The following MAML3 variants were observed in gnomAD, a reference collection of about 807,000 sequenced individuals.
MAML3 encodes mastermind-like protein 3.
In MAML3, 27 loss-of-function variants were observed where a neutral mutation model predicts 101.9. The observed-to-expected ratio is 0.27, with a 90% CI of 0.20 to 0.37. The LOEUF (loss-of-function observed/expected upper bound fraction) is 0.37, where lower values mean the gene tolerates loss of function less well. Among genes scored for constraint, MAML3 ranks in the 10% least tolerant of loss-of-function variants. The pLI is 1.00. For synonymous variants in MAML3, 501 were observed against 555.9 expected (o/e 0.90, Z 1.39); for missense variants, 1,316 against 1,444.9 (o/e 0.91, Z 1.45).
At chr4:139,826,049 G>A (rs1015479199) in intron 2 of MAML3, among the ~76,000 whole-genome samples, 2 of 152,214 alleles carry the variant, frequency 1.3e-5, no homozygotes, top group African/African-American at 2.4e-5. Flanking sequence ...GGTATCTGTC[G>A]TGGATCTTCT....
chr4:139,885,607 A>G (rs1452931977), intron 2 of MAML3, among the ~76,000 whole-genome samples: 1 of 151,566 alleles, frequency 6.6e-6, no homozygotes, highest in Non-Finnish European at 1.5e-5. Flanking sequence ...TGATGAATAG[A>G]AGTTCCAGAA....
chr4:139,935,346 G>C (rs752268738), intron 1 of MAML3, among the ~76,000 whole-genome samples: 1 of 151,968 alleles, frequency 6.6e-6, no homozygotes, highest in Admixed American at 6.6e-5. Context: ...AGCAGAGAAG[G>C]TTTTATATAT....
chr4:140,056,756 G>A (rs1727355747), intron 1 of MAML3, among the ~76,000 whole-genome samples: 1 of 150,550 alleles, frequency 6.6e-6, no homozygotes, highest in Non-Finnish European at 1.5e-5. Context: ...GTCGCAATAA[G>A]CCGAGATGTG....
intron 2 of MAML3, among the ~76,000 whole-genome samples, chr4:139,809,589 C>A (rs777130510): frequency 6.6e-6 from 1 of 152,194 alleles, no homozygotes; most frequent in Non-Finnish European, 1.5e-5. Flanking sequence ...GGGCGGGAAA[C>A]AAGGCAGGAT....
chr4:139,770,960 T>G (rs572130029), intron 2 of MAML3, among the ~76,000 whole-genome samples: 1 of 152,256 alleles, frequency 6.6e-6, no homozygotes, highest in African/African-American at 2.4e-5. Context: ...GATTAACAAC[T>G]GGATGTGGCT....
intron 1 of MAML3, among the ~76,000 whole-genome samples, chr4:140,017,855 T>G (rs891150815): frequency 6.6e-6 from 1 of 151,522 alleles, no homozygotes; most frequent in Non-Finnish European, 1.5e-5. Flanking sequence ...TGTATCTTGA[T>G]TGTATCAATG....
At chr4:139,720,900 G>A (rs968096497) in intron 4 of MAML3, among the ~76,000 whole-genome samples, 4 of 152,158 alleles carry the variant, frequency 2.6e-5, no homozygotes, top group Non-Finnish European at 5.9e-5. Context: ...TTTCCCTTAA[G>A]ACTTGAGTAG....
At chr4:139,865,466 C>T (rs1054339607) in intron 2 of MAML3, among the ~76,000 whole-genome samples, 1 of 150,290 alleles carries the variant, frequency 6.7e-6, no homozygotes, top group Non-Finnish European at 1.5e-5. Flanking sequence ...ATTACAGAGC[C>T]CTTTGACCTC....
chr4:139,864,924 T>TTG (rs34182641), intron 2 of MAML3, among the ~76,000 whole-genome samples: 1,901 of 19,600 alleles, frequency 0.097, 509 homozygotes, highest in African/African-American at 0.16. Context: ...GCAAACTTGC[T>TTG]TTTTTTTTTT....
At chr4:139,957,448 G>A (rs1421692765) in intron 1 of MAML3, among the ~76,000 whole-genome samples, 2 of 152,186 alleles carry the variant, frequency 1.3e-5, no homozygotes, top group Non-Finnish European at 2.9e-5. Flanking sequence ...GTATTAAGAA[G>A]GCAGAGGAAA....
intron 1 of MAML3, among the ~76,000 whole-genome samples, chr4:139,929,423 T>A (rs1028644700): frequency 1.3e-5 from 2 of 152,216 alleles, no homozygotes; most frequent in African/African-American, 4.8e-5. Flanking sequence ...ATTGCCCCCA[T>A]TTTATCCATT....
chr4:139,722,511 T>G (rs1728276579), intron 4 of MAML3, among the ~76,000 whole-genome samples: 1 of 152,210 alleles, frequency 6.6e-6, no homozygotes, highest in South Asian at 2.1e-4. Flanking sequence ...GACACTGTAA[T>G]CTAATTTTCT....
At chr4:139,905,429 T>G (rs11724705) in intron 1 of MAML3, among the ~76,000 whole-genome samples, 49,862 of 145,062 alleles carry the variant, frequency 0.34, 10,903 homozygotes, top group Non-Finnish European at 0.49. Flanking sequence ...GAGGCAGAGC[T>G]TGCTGTGAGC....
intron 2 of MAML3, among the ~76,000 whole-genome samples, chr4:139,868,572 C>A (rs182881441): frequency 1.3e-5 from 2 of 152,122 alleles, no homozygotes; most frequent in Non-Finnish European, 2.9e-5. Context: ...TTACTAGATA[C>A]GTGCTCTTAG....
At chr4:140,069,504 G>C (rs1254014329) in intron 1 of MAML3, among the ~76,000 whole-genome samples, 2 of 120,450 alleles carry the variant, frequency 1.7e-5, no homozygotes, top group Non-Finnish European at 3.4e-5. Context: ...GAGGGGAGGA[G>C]GAGGAGAAGG....
intron 2 of MAML3, among the ~76,000 whole-genome samples, chr4:139,742,149 C>CTTTT (rs67056013): frequency 7.9e-5 from 9 of 113,664 alleles, no homozygotes; most frequent in East Asian, 7.5e-4. Context: ...CTTTTCTTTT[C>CTTTT]TTTTTTTTTT....
chr4:139,943,536 A>G (rs1733643896), intron 1 of MAML3, among the ~76,000 whole-genome samples: 1 of 152,224 alleles, frequency 6.6e-6, no homozygotes, highest in East Asian at 1.9e-4. Context: ...AGATAAGCTT[A>G]CTGCAGCATT....
intron 1 of MAML3, among the ~76,000 whole-genome samples, chr4:140,096,069 T>A (rs1238473960): frequency 2.0e-5 from 3 of 152,372 alleles, no homozygotes; most frequent in South Asian, 4.1e-4. Context: ...GCTGATGCTC[T>A]CTATTACCTA....
intron 2 of MAML3, among the ~76,000 whole-genome samples, chr4:139,769,841 C>G (rs1019730802): frequency 6.6e-6 from 1 of 151,852 alleles, no homozygotes; most frequent in African/African-American, 2.4e-5. Context: ...TCTTGAACTC[C>G]TGACCTCAGG....
Sources: allele counts gnomAD v4.1 joint callset (sites outside exome capture counted in the v4.1 genomes callset), GRCh38; gene constraint gnomAD v4.1.1; transcripts MANE v1.5; gene names NCBI Gene and HGNC (gene_info 2026-07-23, HGNC 2026-07-21).